Variants in WDFY4 observed in about 807,000 individuals in gnomAD.
WDFY4 encodes WDFY family member 4, also known as WD repeat- and FYVE domain-containing protein 4.
Under a neutral mutation model 351.9 loss-of-function variants are expected in WDFY4, and 169 were observed. The observed-to-expected ratio is 0.48, with a 90% CI of 0.42 to 0.55. WDFY4 has a LOEUF of 0.55. Ranked by LOEUF, WDFY4 falls within the 20% of genes least tolerant of loss-of-function variation. WDFY4 has a pLI of 0.00. For missense variants in WDFY4, 3,803 were observed against 3,935.6 expected (o/e 0.97, Z 0.90); for synonymous variants, 1,622 against 1,574.6 (o/e 1.03, Z -0.71).
At chr10:48,695,068 G>C (rs1308169022) in intron 1 of WDFY4, among the ~76,000 whole-genome samples, 2 of 152,230 alleles carry the variant, frequency 1.3e-5, no homozygotes, top group Non-Finnish European at 2.9e-5. Flanking sequence ...ATGCCAAGTA[G>C]AGCAGTAGCC....
intron 37 of WDFY4, among the ~76,000 whole-genome samples, chr10:48,830,323 G>A (rs1328961556): frequency 6.6e-6 from 1 of 152,192 alleles, no homozygotes; most frequent in Non-Finnish European, 1.5e-5. Context: ...AGCTGTTTGA[G>A]TGGAGCTATT....
At chr10:48,778,574 G>T in intron 17 of WDFY4, 37 bp from the exon 18 acceptor site, 1 of 1,542,400 alleles carries the variant, frequency 6.5e-7, no homozygotes, top group South Asian at 1.2e-5. Flanking sequence ...CAGCAGGGCA[G>T]AACAAAGCCT....
Position 48,796,539 on chromosome 10 carries a change from A to G in WDFY4, c.4410+89A>G, listed in dbSNP as rs189986066. The stretch of plus-strand genomic sequence containing the variant: ...GGCTTTCCCCTAAACCTAGCATGTC[A>G]GCTTCCCTCATAGTCATGATGGTAG... On this transcript the variant is annotated intron_variant, in intron 24 of 61. Coordinates refer to ENST00000325239, the MANE Select transcript of WDFY4 (RefSeq NM_001394531.1). 16 of 1,461,948 alleles carry G rather than the reference A, an allele frequency of 1.1e-5. No homozygotes were observed. In the African/African-American group the frequency reaches 2.0e-4, roughly 18 times the overall value. 90.6% of individuals were successfully genotyped at this position (1,461,948 alleles called of 1,614,324 possible).
chr10:48,913,495 G>T lies in WDFY4; in HGVS notation c.7586+11632G>T, dbSNP rs748560298. On this transcript the variant is annotated intron_variant, in intron 47 of 61. Coordinates refer to ENST00000325239, the MANE Select transcript of WDFY4 (RefSeq NM_001394531.1). ...GTGGCCATGTTCTTGATTCTATTCA[G>T]GTTGTCCCGGGCGTTTTGGCATTTT... The T allele has an allele frequency of 1.9e-6, 3 of 1,613,828 alleles. No individual in the cohort carries two copies. In the Admixed American group the frequency reaches 5.0e-5, roughly 27 times the overall value.
chr10:48,750,399 A>C (rs2065145217), intron 12 of WDFY4, among the ~76,000 whole-genome samples: 2 of 152,220 alleles, frequency 1.3e-5, no homozygotes, highest in Non-Finnish European at 2.9e-5. Context: ...GCAGCCATGC[A>C]GCCATGTTTC....
At chr10:48,760,549 G>C in intron 13 of WDFY4, 109 bp downstream of exon 13, 2 of 1,077,336 alleles carry the variant, frequency 1.9e-6, no homozygotes, top group Non-Finnish European at 2.7e-6. Context: ...TCAGTGCCCT[G>C]CGTTAGCAGA....
At chr10:48,787,812 CTTCTTCT>C (rs1565197593) in intron 20 of WDFY4, among the ~76,000 whole-genome samples, 1,854 of 112,608 alleles carry the variant, frequency 0.016, 147 homozygotes, top group Admixed American at 0.021. Flanking sequence ...TCCTCCTCTT[CTTCTTCT>C]TCTTCTTCTT....
At chr10:48,718,166 A>G (rs906641390) in intron 2 of WDFY4, among the ~76,000 whole-genome samples, 1 of 152,190 alleles carries the variant, frequency 6.6e-6, no homozygotes, top group Admixed American at 6.5e-5. Context: ...TCTTACATAA[A>G]TGATCTTTTT....
At chr10:48,705,264 A>C (rs1194847668) in intron 1 of WDFY4, among the ~76,000 whole-genome samples, 1 of 152,212 alleles carries the variant, frequency 6.6e-6, no homozygotes. Context: ...TTTGTTCATC[A>C]TGGATTTCTT....
At chr10:48,897,387 A>C (rs947452597) in intron 44 of WDFY4, 67 bp from the exon 45 acceptor site, 3 of 1,522,674 alleles carry the variant, frequency 2.0e-6, no homozygotes, top group Admixed American at 4.0e-5. Flanking sequence ...CAGGAAGAAG[A>C]AGAAGCCTGC....
chr10:48,731,666 G>A, intron 9 of WDFY4, 104 bp downstream of exon 9: 2 of 1,303,520 alleles, frequency 1.5e-6, no homozygotes, highest in Non-Finnish European at 2.1e-6. Flanking sequence ...AAGTGAGCAT[G>A]CCCATGTCAC....
chr10:48,794,226 G>A lies in WDFY4; in HGVS notation c.4258-2072G>A, dbSNP rs575920563. ...ACCCCTTGACGTCAGTGGAGAAGAT[G>A]AGGCATGGGGATGAGGTTCAAGCAG... On this transcript the variant is annotated intron_variant, in intron 23 of 61. Transcript: ENST00000325239. 1.9e-4 allele frequency among the ~76,000 whole-genome samples: 29 copies of A among 152,274 alleles called. No homozygotes were observed. In the South Asian group the frequency reaches 5.8e-3, roughly 30 times the overall value.
chr10:48,935,415 C>T (rs1362488378), intron 47 of WDFY4, among the ~76,000 whole-genome samples: 1 of 152,252 alleles, frequency 6.6e-6, no homozygotes, highest in Non-Finnish European at 1.5e-5. Context: ...CTGCTGTTCA[C>T]CCAGCAGTCA....
chr10:48,820,526 G>C (rs1266702768), intron 33 of WDFY4, 89 bp downstream of exon 33: 2 of 1,401,148 alleles, frequency 1.4e-6, no homozygotes, highest in African/African-American at 1.4e-5. Context: ...CAGGGAGACA[G>C]AGGGCCTGGG....
chr10:48,933,444 C>T (rs1429009220), intron 47 of WDFY4, among the ~76,000 whole-genome samples: 1 of 152,238 alleles, frequency 6.6e-6, no homozygotes, highest in Non-Finnish European at 1.5e-5. Flanking sequence ...ACAAGCTTGG[C>T]TTTACAATGT....
At chr10:48,900,753 G>A (rs1442995144) in intron 46 of WDFY4, among the ~76,000 whole-genome samples, 6 of 152,192 alleles carry the variant, frequency 3.9e-5, no homozygotes, top group Admixed American at 3.9e-4. Context: ...CCAAACAACT[G>A]ATTTCCCACA....
At chr10:48,885,524 T>C (rs1471332811) in intron 43 of WDFY4, among the ~76,000 whole-genome samples, 4 of 152,146 alleles carry the variant, frequency 2.6e-5, no homozygotes, top group Admixed American at 2.6e-4. Context: ...CAGAGAAAGA[T>C]TGGAGGTGTG....
chr10:48,779,797 C>T, intron 18 of WDFY4, 144 bp from the exon 19 acceptor site: 1 of 752,046 alleles, frequency 1.3e-6, no homozygotes, highest in Non-Finnish European at 2.1e-6. Flanking sequence ...ATTGCTGCTG[C>T]TGTTGTCATT....
chr10:48,954,885 A>T (rs1841510573), intron 51 of WDFY4, among the ~76,000 whole-genome samples: 1 of 152,248 alleles, frequency 6.6e-6, no homozygotes. Context: ...GCTAAAATGC[A>T]TTAGACAGCT....
Sources: gnomAD v4.1 joint callset for allele counts (sites outside exome capture counted in the v4.1 genomes callset) on GRCh38, gnomAD v4.1.1 for gene constraint, MANE v1.5 for transcripts, NCBI Gene and HGNC (gene_info 2026-07-23, HGNC 2026-07-21) for gene names.